LRBA: variants seen among roughly 807,000 people sequenced by gnomAD.
The protein encoded by LRBA is lipopolysaccharide-responsive and beige-like anchor protein.
LRBA carries 176 observed loss-of-function variants against 330.0 expected under a neutral mutation model. The ratio of observed to expected loss-of-function variants is 0.53; its 90% CI spans 0.47 to 0.60. The LOEUF (loss-of-function observed/expected upper bound fraction) is 0.60. LRBA is among the 20% of genes least tolerant of loss of function. LRBA has a pLI of 0.00. For missense variants in LRBA, 3,259 were observed against 3,444.8 expected (o/e 0.95, Z 1.35); for synonymous variants, 1,230 against 1,193.0 (o/e 1.03, Z -0.64).
At position 150,639,773 on chromosome 4, in the gene LRBA, A is replaced by ATGTG. The variant is rs1378159535; in HGVS notation, c.5922-40643_5922-40642insCACA. 6.6e-4 allele frequency among the ~76,000 whole-genome samples: 4 copies of ATGTG among 6,074 alleles called. 1 individual carries two copies. The highest frequency in any genetic ancestry group is 2.0e-3 in the African/African-American group (4 of 1,980). The allele number at this position is 6,074 out of a possible 152,430, so 4.0% of individuals were successfully genotyped here. ...TATATATATATATATATATATATATATATATATATGTGTGTGTGTATATAT... is the reference window on the plus strand; with the variant it reads ...TATATATATATATATATATATATATATGTGTATATATATGTGTGTGTGTATATAT... On this transcript the variant is annotated intron_variant, in intron 37 of 56. Transcript: ENST00000651943.
chr4:150,925,760 G>A (rs185213820), intron 4 of LRBA, among the ~76,000 whole-genome samples: 48 of 151,968 alleles, frequency 3.2e-4, no homozygotes, highest in African/African-American at 1.0e-3. Context: ...CTATGCTTAT[G>A]AATATAATAA....
At chr4:150,900,762 A>G (rs1016975861) in intron 13 of LRBA, among the ~76,000 whole-genome samples, 1 of 152,178 alleles carries the variant, frequency 6.6e-6, no homozygotes, top group Non-Finnish European at 1.5e-5. Flanking sequence ...ACAGAATTCT[A>G]TTACAGTAGC....
intron 35 of LRBA, among the ~76,000 whole-genome samples, chr4:150,753,192 T>C (rs1733791286): frequency 6.6e-6 from 1 of 152,216 alleles, no homozygotes; most frequent in South Asian, 2.1e-4. Flanking sequence ...CGTTTTAACT[T>C]TCTCATATCA....
intron 44 of LRBA, among the ~76,000 whole-genome samples, chr4:150,454,486 G>A (rs1172643863): frequency 6.6e-6 from 1 of 151,752 alleles, no homozygotes; most frequent in African/African-American, 2.4e-5. Context: ...TTTCAGACAG[G>A]TAACACTCAG....
intron 47 of LRBA, among the ~76,000 whole-genome samples, chr4:150,404,854 G>A (rs1745970649): frequency 6.6e-6 from 1 of 152,122 alleles, no homozygotes; most frequent in Non-Finnish European, 1.5e-5. Flanking sequence ...ATTAGAAATA[G>A]TATCATTTTA....
chr4:150,939,193 A>C (rs562305725), intron 2 of LRBA, among the ~76,000 whole-genome samples: 42 of 152,172 alleles, frequency 2.8e-4, no homozygotes, highest in Non-Finnish European at 1.5e-5. Flanking sequence ...CCAAGAGGAC[A>C]TATGTTCAAT....
chr4:151,014,678 C>T lies in LRBA; in HGVS notation c.-36G>A. On this transcript the variant is annotated 5_prime_UTR_variant, in exon 2 of 57. Transcript: ENST00000651943. ...CGATAAAGGACAACTCAGAGTCACC[C>T]TGGGACGGCAGTCGCTGCACTGGTA... The T allele has an allele frequency of 6.9e-7, 1 of 1,457,498 alleles. No homozygotes were observed. The highest frequency in any genetic ancestry group is 9.4e-7 in the Non-Finnish European group (1 of 1,063,334). The allele number at this position is 1,457,498 out of a possible 1,614,324, so 90.3% of individuals were successfully genotyped here. A position where few individuals can be genotyped will look rare whatever the true frequency, so the allele number is the denominator to read the frequency against.
intron 46 of LRBA, among the ~76,000 whole-genome samples, chr4:150,418,181 C>T (rs1328569235): frequency 6.6e-6 from 1 of 151,968 alleles, no homozygotes; most frequent in Non-Finnish European, 1.5e-5. Context: ...CCATGCCTGG[C>T]TAATTTTTTA....
intron 36 of LRBA, among the ~76,000 whole-genome samples, chr4:150,716,870 G>C (rs1728271826): frequency 6.6e-6 from 1 of 152,156 alleles, no homozygotes; most frequent in Non-Finnish European, 1.5e-5. Flanking sequence ...AGACTGTACT[G>C]GGTTATTGTT....
chr4:150,922,670 A>G (rs1733430407), intron 4 of LRBA, among the ~76,000 whole-genome samples: 1 of 152,104 alleles, frequency 6.6e-6, no homozygotes, highest in African/African-American at 2.4e-5. Flanking sequence ...TGTGGTGTAT[A>G]CTGCTCAGGT....
intron 47 of LRBA, among the ~76,000 whole-genome samples, chr4:150,407,453 CAAACAA>C (rs953875364): frequency 1.7e-4 from 26 of 151,916 alleles, no homozygotes; most frequent in African/African-American, 5.8e-4. Flanking sequence ...AAAACAAAAA[CAAACAA>C]AAACAAAAAC....
chr4:150,755,939 A>G (rs191774393), intron 35 of LRBA, among the ~76,000 whole-genome samples: 160 of 151,720 alleles, frequency 1.1e-3, no homozygotes, highest in African/African-American at 3.7e-3. Context: ...CCAGATACTT[A>G]GGAGGCTGAG....
At chr4:150,278,085 AC>A in intron 55 of LRBA, 81 bp from the exon 56 acceptor site, 1 of 1,201,554 alleles carries the variant, frequency 8.3e-7, no homozygotes, top group Non-Finnish European at 1.2e-6. Flanking sequence ...TCATTCTTAC[AC>A]CAGCTACTAC....
intron 2 of LRBA, among the ~76,000 whole-genome samples, chr4:150,955,504 G>T (rs770586151): frequency 5.4e-5 from 8 of 148,956 alleles, no homozygotes; most frequent in Non-Finnish European, 1.2e-4. Context: ...CTGTGGTCTA[G>T]CTACTCAGGA....
intron 20 of LRBA, 59 bp downstream of exon 20, chr4:150,870,466 A>G: frequency 1.1e-6 from 1 of 874,150 alleles, no homozygotes; most frequent in Non-Finnish European, 2.0e-6. Context: ...GGTTGTTCAC[A>G]GTGACTTTCT....
chr4:150,870,519 A>C lies in LRBA; in HGVS notation c.2449+6T>G, dbSNP rs1456068967. On this transcript the variant is annotated splice_donor_region_variant and intron_variant, in intron 20 of 56. Transcript: ENST00000651943. ...TAGTTTTTGTTAAAGTATATAAAAT[A>C]CATACGAGGGTTTTGTATCTTCACT... 6.6e-7 allele frequency: 1 copy of C among 1,515,986 alleles called. No homozygotes were observed. The highest frequency in any genetic ancestry group is 9.2e-7 in the Non-Finnish European group (1 of 1,091,986). The allele number at this position is 1,515,986 out of a possible 1,614,324, so 93.9% of individuals were successfully genotyped here. A position where few individuals can be genotyped will look rare whatever the true frequency, so the allele number is the denominator to read the frequency against.
intron 55 of LRBA, among the ~76,000 whole-genome samples, chr4:150,278,916 T>C (rs1282932811): frequency 6.6e-6 from 1 of 151,824 alleles, no homozygotes. Flanking sequence ...TCTCCACCTC[T>C]CAGGTTCAAG....
chr4:150,866,472 A>C (rs1752703055), intron 22 of LRBA, among the ~76,000 whole-genome samples: 1 of 152,244 alleles, frequency 6.6e-6, no homozygotes, highest in Admixed American at 6.5e-5. Flanking sequence ...ACAAATTTTT[A>C]AACTCCAGCC....
intron 2 of LRBA, among the ~76,000 whole-genome samples, chr4:150,972,523 C>A (rs1739695804): frequency 6.6e-6 from 1 of 152,262 alleles, no homozygotes; most frequent in Middle Eastern, 3.4e-3. Context: ...ATTATACATT[C>A]TACGCATGTA....
Sources: gnomAD v4.1 joint callset for allele counts (sites outside exome capture counted in the v4.1 genomes callset) on GRCh38, gnomAD v4.1.1 for gene constraint, MANE v1.5 for transcripts, NCBI Gene and HGNC (gene_info 2026-07-23, HGNC 2026-07-21) for gene names.